OR10J1: variants seen among roughly 807,000 people sequenced by gnomAD.
OR10J1 encodes olfactory receptor family 10 subfamily J member 1, also known as olfactory receptor 10J1.
For synonymous variants in OR10J1, 202 were observed against 143.8 expected (o/e 1.40, Z -2.89); for missense variants, 474 against 376.6 (o/e 1.26, Z -2.14).
the OR10J1 span, chr1:159,406,277 C>A: frequency 1.9e-6 from 1 of 526,926 alleles, no homozygotes; most frequent in Admixed American, 2.0e-5. Flanking sequence ...GTTAGAAAGA[C>A]AACAAAGAAG....
At chr1:159,418,013 G>T in the OR10J1 span, among the ~76,000 whole-genome samples, 1 of 152,306 alleles carries the variant, frequency 6.6e-6, no homozygotes, top group African/African-American at 2.4e-5. Context: ...ACTTGAGGGA[G>T]ATGATTTAGG....
chr1:159,397,597 T>C, the OR10J1 span, among the ~76,000 whole-genome samples: 2 of 151,970 alleles, frequency 1.3e-5, no homozygotes, highest in African/African-American at 2.4e-5. Flanking sequence ...TAAAGGAATA[T>C]TGATGGTAGT....
chr1:159,413,394 G>A, the OR10J1 span, among the ~76,000 whole-genome samples: 2 of 151,998 alleles, frequency 1.3e-5, no homozygotes, highest in African/African-American at 4.8e-5. Flanking sequence ...GCACACGTAT[G>A]TTTATTGTGG....
chr1:159,407,245 A>C, the OR10J1 span, among the ~76,000 whole-genome samples: 1 of 152,138 alleles, frequency 6.6e-6, no homozygotes, highest in Non-Finnish European at 1.5e-5. Flanking sequence ...AAGAAGAAAT[A>C]GAGTGTAATG....
At chr1:159,406,364 G>A in the OR10J1 span, 1 of 434,844 alleles carries the variant, frequency 2.3e-6, no homozygotes, top group South Asian at 1.9e-5. Context: ...TTTGACCTTG[G>A]CACTGAAGAA....
At chr1:159,421,770 T>C in the OR10J1 span, among the ~76,000 whole-genome samples, 1 of 152,180 alleles carries the variant, frequency 6.6e-6, no homozygotes, top group African/African-American at 2.4e-5. Context: ...TCTTTGGGCC[T>C]GGGTGGTGAT....
At chr1:159,414,023 A>C in the OR10J1 span, among the ~76,000 whole-genome samples, 1 of 151,982 alleles carries the variant, frequency 6.6e-6, no homozygotes, top group Admixed American at 6.6e-5. Context: ...ACATGCAGTG[A>C]ATGTATAATG....
At chr1:159,437,116 A>G (rs186740028), upstream of OR10J1, among the ~76,000 whole-genome samples, 216 of 152,336 alleles carry the variant, frequency 1.4e-3, no homozygotes, top group Non-Finnish European at 2.4e-3. Context: ...AGTGAGAAGT[A>G]AGTTTAGAGT....
the OR10J1 span, among the ~76,000 whole-genome samples, chr1:159,427,196 A>T: frequency 1.3e-5 from 2 of 151,870 alleles, no homozygotes; most frequent in Non-Finnish European, 2.9e-5. Flanking sequence ...TTACATCCAA[A>T]GCAGTTCTCA....
At chr1:159,410,277 C>T in the OR10J1 span, among the ~76,000 whole-genome samples, 1 of 152,070 alleles carries the variant, frequency 6.6e-6, no homozygotes, top group Non-Finnish European at 1.5e-5. Flanking sequence ...GGAATGGTAC[C>T]AGTTCCTCCT....
At chr1:159,416,036 T>C in the OR10J1 span, among the ~76,000 whole-genome samples, 1 of 152,038 alleles carries the variant, frequency 6.6e-6, no homozygotes, top group Non-Finnish European at 1.5e-5. Flanking sequence ...TGATTTTGTA[T>C]CTTACAACTT....
chr1:159,401,487 A>G, the OR10J1 span, among the ~76,000 whole-genome samples: 3 of 152,054 alleles, frequency 2.0e-5, no homozygotes, highest in Non-Finnish European at 4.4e-5. Flanking sequence ...ATGCCAATAA[A>G]TTGGAAAACC....
chr1:159,411,116 C>G, the OR10J1 span, among the ~76,000 whole-genome samples: 2 of 151,802 alleles, frequency 1.3e-5, no homozygotes, highest in Non-Finnish European at 1.5e-5. Context: ...GCTTTACTTC[C>G]AACTATGTGG....
chr1:159,402,018 T>A, the OR10J1 span, among the ~76,000 whole-genome samples: 1 of 151,920 alleles, frequency 6.6e-6, no homozygotes, highest in African/African-American at 2.4e-5. Context: ...AACTGATGCT[T>A]AAAAAAGCAT....
chr1:159,406,132 TA>T, the OR10J1 span: 1 of 462,380 alleles, frequency 2.2e-6, no homozygotes, highest in Non-Finnish European at 4.3e-6. Flanking sequence ...ATATGGGGAG[TA>T]ATGGCCACCA....
chr1:159,398,404 CTAAA>C, the OR10J1 span, among the ~76,000 whole-genome samples: 1 of 152,126 alleles, frequency 6.6e-6, no homozygotes, highest in Non-Finnish European at 1.5e-5. Flanking sequence ...ACCAAATTAA[CTAAA>C]TAAGGCACTA....
the OR10J1 span, among the ~76,000 whole-genome samples, chr1:159,410,414 G>C: frequency 6.6e-6 from 1 of 152,040 alleles, no homozygotes; most frequent in Non-Finnish European, 1.5e-5. Context: ...ACTTCTTCCT[G>C]GTTTAGTCTT....
the OR10J1 span, among the ~76,000 whole-genome samples, chr1:159,430,560 A>T: frequency 2.6e-4 from 40 of 152,076 alleles, no homozygotes; most frequent in Admixed American, 2.6e-3. Context: ...TAAAGACCGG[A>T]CCTTTCAACA....
At chr1:159,397,799 C>G in the OR10J1 span, among the ~76,000 whole-genome samples, 1 of 152,230 alleles carries the variant, frequency 6.6e-6, no homozygotes, top group African/African-American at 2.4e-5. Flanking sequence ...GATGGCACTT[C>G]TGGACCCACC....
Sources: allele counts gnomAD v4.1 joint callset (sites outside exome capture counted in the v4.1 genomes callset), GRCh38; gene constraint gnomAD v4.1.1; transcripts MANE v1.5; gene names NCBI Gene and HGNC (gene_info 2026-07-23, HGNC 2026-07-21).